PCDH9: variants seen among roughly 807,000 people sequenced by gnomAD.
PCDH9 encodes protocadherin-9.
In PCDH9, 24 loss-of-function variants were observed where a neutral mutation model predicts 70.6. The observed-to-expected ratio is 0.34, with a 90% CI of 0.25 to 0.48. The LOEUF (loss-of-function observed/expected upper bound fraction) is 0.48, where lower values mean the gene tolerates loss of function less well. Among genes scored for constraint, PCDH9 ranks in the 20% least tolerant of loss-of-function variants. PCDH9 has a pLI of 0.99. For synonymous variants in PCDH9, 562 were observed against 558.5 expected (o/e 1.01, Z -0.09); for missense variants, 1,281 against 1,503.6 (o/e 0.85, Z 2.45).
intron 3 of PCDH9, among the ~76,000 whole-genome samples, chr13:66,678,882 G>A (rs753949951): frequency 1.3e-5 from 2 of 151,590 alleles, no homozygotes; most frequent in Non-Finnish European, 2.9e-5. Context: ...AGAAAGAAGG[G>A]GCAGAGCTCT....
chr13:67,087,436 A>G (rs1743308759), intron 2 of PCDH9, among the ~76,000 whole-genome samples: 2 of 152,182 alleles, frequency 1.3e-5, no homozygotes, highest in Admixed American at 1.3e-4. Context: ...AAAGGTTTAT[A>G]CTTTCTAATC....
intron 2 of PCDH9, among the ~76,000 whole-genome samples, chr13:66,975,443 C>T (rs1051194396): frequency 6.6e-6 from 1 of 151,884 alleles, no homozygotes; most frequent in Non-Finnish European, 1.5e-5. Context: ...AAAACCATCC[C>T]GCTAGGTAGA....
At chr13:66,977,548 A>G (rs1555293030) in intron 2 of PCDH9, 1 of 152,084 alleles carries the variant, frequency 6.6e-6, no homozygotes, top group Non-Finnish European at 1.5e-5. Context: ...AAGGGATATT[A>G]TTGTCTACAT....
intron 2 of PCDH9, among the ~76,000 whole-genome samples, chr13:67,192,812 G>T (rs963278456): frequency 6.6e-6 from 1 of 152,196 alleles, no homozygotes; most frequent in East Asian, 1.9e-4. Flanking sequence ...GAAACCACTC[G>T]ATTTAAATAC....
intron 4 of PCDH9, among the ~76,000 whole-genome samples, chr13:66,504,290 T>C (rs983022834): frequency 2.0e-5 from 3 of 152,264 alleles, no homozygotes; most frequent in Admixed American, 6.5e-5. Context: ...TTAATAATTA[T>C]TGTAATCATT....
At chr13:67,089,253 G>T (rs1345284070) in intron 2 of PCDH9, among the ~76,000 whole-genome samples, 1 of 151,936 alleles carries the variant, frequency 6.6e-6, no homozygotes, top group South Asian at 2.1e-4. Context: ...ATATACAAGT[G>T]CAGAAATAGA....
chr13:66,380,480 G>C (rs1956825620), intron 4 of PCDH9, among the ~76,000 whole-genome samples: 1 of 147,570 alleles, frequency 6.8e-6, no homozygotes, highest in Non-Finnish European at 1.5e-5. Context: ...ATTGTAATGA[G>C]TATAGTAGAT....
At chr13:67,183,701 C>T (rs1428935614) in intron 2 of PCDH9, among the ~76,000 whole-genome samples, 1 of 151,968 alleles carries the variant, frequency 6.6e-6, no homozygotes, top group Non-Finnish European at 1.5e-5. Flanking sequence ...AATGAAAGAT[C>T]ACTGTTATAT....
intron 4 of PCDH9, among the ~76,000 whole-genome samples, chr13:66,588,670 A>G (rs1234629485): frequency 6.6e-6 from 1 of 151,950 alleles, no homozygotes; most frequent in Non-Finnish European, 1.5e-5. Context: ...TCACTGGAGA[A>G]AGGCATTCAG....
At chr13:67,212,963 G>A (rs2089498757) in intron 2 of PCDH9, 3 of 152,110 alleles carry the variant, frequency 2.0e-5, no homozygotes, top group Admixed American at 6.6e-5. Flanking sequence ...TGTAATCTCA[G>A]CACTTTGGGA....
intron 4 of PCDH9, among the ~76,000 whole-genome samples, chr13:66,357,424 C>T (rs1039137075): frequency 5.3e-5 from 8 of 151,962 alleles, no homozygotes; most frequent in Non-Finnish European, 1.5e-5. Context: ...TTATTTTCCC[C>T]ATAAAAGTAG....
chr13:66,454,880 C>T (rs1337358252), intron 4 of PCDH9, among the ~76,000 whole-genome samples: 3 of 152,246 alleles, frequency 2.0e-5, no homozygotes, highest in Non-Finnish European at 2.9e-5. Context: ...GCTGGGATTA[C>T]AGGCGTGAGC....
At chr13:66,570,315 GA>G (rs1187314804) in intron 4 of PCDH9, among the ~76,000 whole-genome samples, 5 of 152,076 alleles carry the variant, frequency 3.3e-5, no homozygotes, top group Non-Finnish European at 7.4e-5. Context: ...GAACATGAGA[GA>G]TTCCGGTGTT....
chr13:67,129,196 A>G (rs2087049278), intron 2 of PCDH9, among the ~76,000 whole-genome samples: 1 of 152,176 alleles, frequency 6.6e-6, no homozygotes, highest in African/African-American at 2.4e-5. Flanking sequence ...ATCATAGCTA[A>G]TGACCTTGCC....
chr13:66,386,250 C>T (rs922337624), intron 4 of PCDH9, among the ~76,000 whole-genome samples: 2 of 152,134 alleles, frequency 1.3e-5, no homozygotes, highest in Non-Finnish European at 2.9e-5. Flanking sequence ...AGTCTTCTAT[C>T]TCAATATAAA....
At chr13:67,022,829 A>C (rs2084705244) in intron 2 of PCDH9, among the ~76,000 whole-genome samples, 1 of 152,186 alleles carries the variant, frequency 6.6e-6, no homozygotes, top group Non-Finnish European at 1.5e-5. Flanking sequence ...TAACGTTCAG[A>C]CATCAAAGGC....
chr13:66,383,779 A>G (rs1956885409), intron 4 of PCDH9, among the ~76,000 whole-genome samples: 2 of 152,184 alleles, frequency 1.3e-5, no homozygotes, highest in African/African-American at 2.4e-5. Flanking sequence ...TAATCCAGGC[A>G]CCACATTTCC....
rs1249164674 is a variant in PCDH9 at position 66,345,549 on chromosome 13, C to T, written c.3341-40521G>A. The stretch of plus-strand genomic sequence containing the variant: ...CATTCAAAAGGGCCAGGCAACGAGG[C>T]CCTTCAAGATGAAGGCGGCATGCTG... On this transcript the variant is annotated intron_variant, in intron 4 of 4. Transcript: ENST00000377865. Among the ~76,000 whole-genome samples the T allele has an allele frequency of 2.6e-5, 4 of 152,194 alleles. No homozygotes were observed. In the East Asian group the frequency reaches 7.8e-4, roughly 30 times the overall value.
intron 4 of PCDH9, among the ~76,000 whole-genome samples, chr13:66,567,584 C>T (rs973560617): frequency 2.6e-5 from 4 of 152,100 alleles, no homozygotes; most frequent in South Asian, 2.1e-4. Flanking sequence ...AATACAGAGA[C>T]CTCTTAAACA....
Sources: gnomAD v4.1 joint callset for allele counts (sites outside exome capture counted in the v4.1 genomes callset) on GRCh38, gnomAD v4.1.1 for gene constraint, MANE v1.5 for transcripts, NCBI Gene and HGNC (gene_info 2026-07-23, HGNC 2026-07-21) for gene names.